The following CCDC102B variants were observed in gnomAD, a reference collection of about 807,000 sequenced individuals.
CCDC102B encodes coiled-coil domain containing 102B.
A neutral mutation model predicts 57.4 loss-of-function variants in CCDC102B; 75 were observed. That is an observed-to-expected ratio of 1.31 (90% CI 1.08 to 1.58). The LOEUF is 1.58. CCDC102B is among the 40% of genes most tolerant of loss of function. The pLI is 0.00. For missense variants in CCDC102B, 636 were observed against 582.6 expected (o/e 1.09, Z -0.94); for synonymous variants, 206 against 201.9 (o/e 1.02, Z -0.17).
In CCDC102B at chr18:68,995,368, T is replaced by C. The variant is rs554662692; in HGVS notation, c.1264-15566T>C. Among the ~76,000 whole-genome samples, 4 of 152,294 alleles carry C rather than the reference T, an allele frequency of 2.6e-5. No individual in the cohort carries two copies. The South Asian group carries it at 8.3e-4, about 32-fold the overall frequency. ...ATGGGGAGAATGTCTCCAGGGCATG[T>C]CAGAGACCTTCAAAGCAGCCCCTCC... On this transcript the variant is annotated intron_variant, in intron 6 of 7. Coordinates refer to ENST00000360242, the MANE Select transcript of CCDC102B (RefSeq NM_024781.3).
intron 6 of CCDC102B, among the ~76,000 whole-genome samples, chr18:68,956,545 ATATAAATAT>A (rs2049894143): frequency 6.1e-4 from 1 of 1,638 alleles, no homozygotes; most frequent in Non-Finnish European, 1.4e-3. Context: ...TATTTTATAT[ATATAAATAT>A]TATATATATT....
At chr18:68,945,291 C>T (rs1398352213) in intron 6 of CCDC102B, among the ~76,000 whole-genome samples, 2 of 151,988 alleles carry the variant, frequency 1.3e-5, no homozygotes, top group African/African-American at 4.8e-5. Flanking sequence ...AACTACTGAG[C>T]TAAATAGTAT....
intron 2 of CCDC102B, among the ~76,000 whole-genome samples, chr18:68,726,777 T>G (rs1185938080): frequency 1.3e-5 from 2 of 152,188 alleles, no homozygotes; most frequent in Non-Finnish European, 2.9e-5. Flanking sequence ...TCTATCCTGA[T>G]GATTCTATGA....
Position 68,834,432 on chromosome 18 carries a change from C to CATATATATATATATATATATATATAT in CCDC102B, c.-15-2295_-15-2294insATATATATATATATATATATATATAT, listed in dbSNP as rs67872866. Reference sequence around the variant, plus strand: ...ATATATGTAGTTGTATATGTAAATACATATATATATATATATATATATTTG... The same window carrying CATATATATATATATATATATATATAT: ...ATATATGTAGTTGTATATGTAAATACATATATATATATATATATATATATATATATATATATATATATATATATTTG... On this transcript the variant is annotated intron_variant, in intron 1 of 7. Coordinates refer to ENST00000360242, the MANE Select transcript of CCDC102B (RefSeq NM_024781.3). Among the ~76,000 whole-genome samples the CATATATATATATATATATATATATAT allele has an allele frequency of 7.0e-4, 96 of 137,654 alleles. 1 individual carries two copies. Among genetic ancestry groups the CATATATATATATATATATATATATAT allele is most frequent in the African/African-American group, 2.1e-3 (77 of 36,988 alleles). 90.3% of individuals were successfully genotyped at this position (137,654 alleles called of 152,430 possible).
chr18:68,981,296 C>T (rs2050573488), intron 6 of CCDC102B, among the ~76,000 whole-genome samples: 1 of 151,862 alleles, frequency 6.6e-6, no homozygotes, highest in Non-Finnish European at 1.5e-5. Flanking sequence ...GGAAACCCAA[C>T]CAATAAAGTA....
intron 1 of CCDC102B, among the ~76,000 whole-genome samples, chr18:68,832,793 T>G (rs906220219): frequency 2.0e-4 from 31 of 152,002 alleles, no homozygotes; most frequent in African/African-American, 7.0e-4. Context: ...GTGGGGAGCG[T>G]GCTCCTGCAG....
chr18:69,049,095 G>T (rs551884303), intron 7 of CCDC102B, among the ~76,000 whole-genome samples: 15 of 151,402 alleles, frequency 9.9e-5, no homozygotes, highest in African/African-American at 3.6e-4. Context: ...GAACGTGTAG[G>T]TTTGTTACAT....
upstream of CCDC102B, among the ~76,000 whole-genome samples, chr18:68,795,823 T>C (rs796443193): frequency 3.9e-5 from 6 of 152,228 alleles, no homozygotes; most frequent in African/African-American, 1.4e-4. Context: ...ACCAAATATG[T>C]GTGGCAAAAG....
chr18:68,867,826 C>T (rs537738543), intron 4 of CCDC102B, among the ~76,000 whole-genome samples: 3 of 105,040 alleles, frequency 2.9e-5, no homozygotes, highest in African/African-American at 1.1e-4. Context: ...CCCAGCTACT[C>T]GACAGGCTGA....
chr18:68,980,324 G>A (rs571590719), intron 6 of CCDC102B, among the ~76,000 whole-genome samples: 1 of 148,808 alleles, frequency 6.7e-6, no homozygotes, highest in Admixed American at 6.7e-5. Flanking sequence ...GATTTAGATA[G>A]GTTCATTCAT....
At chr18:68,959,431 G>A (rs2049990486) in intron 6 of CCDC102B, among the ~76,000 whole-genome samples, 1 of 152,124 alleles carries the variant, frequency 6.6e-6, no homozygotes, top group Non-Finnish European at 1.5e-5. Context: ...CACCATCACT[G>A]GAACTAGGCT....
At chr18:68,879,596 T>C (rs1305823453) in intron 5 of CCDC102B, among the ~76,000 whole-genome samples, 1 of 151,924 alleles carries the variant, frequency 6.6e-6, no homozygotes, top group Non-Finnish European at 1.5e-5. Flanking sequence ...CCAGAGTAGC[T>C]AGATACAGAG....
chr18:68,847,907 T>C (rs1377712514), intron 4 of CCDC102B, among the ~76,000 whole-genome samples: 1 of 151,770 alleles, frequency 6.6e-6, no homozygotes, highest in Non-Finnish European at 1.5e-5. Flanking sequence ...TTGAATTATT[T>C]ATATGGAAAT....
intron 2 of CCDC102B, among the ~76,000 whole-genome samples, chr18:68,734,988 T>G (rs2033060959): frequency 6.6e-6 from 1 of 152,214 alleles, no homozygotes; most frequent in South Asian, 2.1e-4. Flanking sequence ...AGGACTTGTT[T>G]AGGGAGAAGA....
chr18:69,046,546 C>T (rs1360763477), intron 7 of CCDC102B, among the ~76,000 whole-genome samples: 1 of 152,098 alleles, frequency 6.6e-6, no homozygotes, highest in African/African-American at 2.4e-5. Flanking sequence ...TGTAGGTTGT[C>T]TGTTTACCCT....
At chr18:68,878,849 G>A (rs549382935) in intron 5 of CCDC102B, among the ~76,000 whole-genome samples, 4 of 152,288 alleles carry the variant, frequency 2.6e-5, no homozygotes, top group East Asian at 1.9e-4. Flanking sequence ...CGGTGTGTCC[G>A]GAATTGGTGG....
At chr18:68,912,925 G>T (rs2040925966) in intron 6 of CCDC102B, among the ~76,000 whole-genome samples, 2 of 152,154 alleles carry the variant, frequency 1.3e-5, no homozygotes, top group South Asian at 4.1e-4. Flanking sequence ...GGGTTCGTGT[G>T]TACAATGCAA....
intron 2 of CCDC102B, among the ~76,000 whole-genome samples, chr18:68,750,332 T>G (rs1457211536): frequency 6.6e-6 from 1 of 152,184 alleles, no homozygotes; most frequent in African/African-American, 2.4e-5. Context: ...GGAACACTTT[T>G]ACACTGTTGG....
At chr18:68,924,505 TCTTTC>T (rs1033859928) in intron 6 of CCDC102B, among the ~76,000 whole-genome samples, 1 of 152,106 alleles carries the variant, frequency 6.6e-6, no homozygotes, top group African/African-American at 2.4e-5. Flanking sequence ...CAATTAAACC[TCTTTC>T]CTTTATAAAT....
Sources: allele counts gnomAD v4.1 joint callset (sites outside exome capture counted in the v4.1 genomes callset), GRCh38; gene constraint gnomAD v4.1.1; transcripts MANE v1.5; gene names NCBI Gene and HGNC (gene_info 2026-07-23, HGNC 2026-07-21).